Variants in PCDHGB3 observed in about 807,000 individuals in gnomAD.
The protein encoded by PCDHGB3 is protocadherin gamma-B3.
In PCDHGB3, 40 loss-of-function variants were observed where a neutral mutation model predicts 59.2. The observed-to-expected ratio is 0.68, with a 90% CI of 0.52 to 0.88. The LOEUF is 0.88. Among genes scored for constraint, PCDHGB3 ranks in the 40% least tolerant of loss-of-function variants. The pLI is 0.00. For synonymous variants in PCDHGB3, 581 were observed against 503.6 expected (o/e 1.15, Z -2.06); for missense variants, 1,309 against 1,187.9 (o/e 1.10, Z -1.50).
intron 1 of PCDHGB3, chr5:141,475,850 G>C (rs2099376325): frequency 8.6e-6 from 4 of 464,524 alleles, no homozygotes; most frequent in Non-Finnish European, 1.5e-5. Flanking sequence ...AGAGAGCCCG[G>C]CGCTAGCTCA....
rs749499883 is a variant in PCDHGB3 at position 141,486,382 on chromosome 5, C to T, written c.2416-8425C>T. ...TTGCCCTCAAGTCTGCCTTCAGGAA[C>T]CAGTTCTCCCTGGTGACTGCTGGAC... is the stretch of plus-strand genomic sequence containing the variant. On this transcript the variant is annotated intron_variant, in intron 1 of 3. Transcript: ENST00000576222. The surrounding 1 kb of genome is among the most constrained non-coding windows in gnomAD (Gnocchi z 5.0). 25 of 1,613,986 alleles carry T rather than the reference C, an allele frequency of 1.5e-5. No homozygotes were observed. The highest frequency in any genetic ancestry group is 1.9e-5 in the Non-Finnish European group (23 of 1,179,998).
At chr5:141,455,503 T>C (rs1005615473) in intron 1 of PCDHGB3, among the ~76,000 whole-genome samples, 3 of 152,302 alleles carry the variant, frequency 2.0e-5, no homozygotes, top group Middle Eastern at 3.4e-3. Context: ...CTGATTTGCA[T>C]AGGGCTCAGG....
chr5:141,511,462 C>T lies in PCDHGB3; in HGVS notation c.*289C>T, dbSNP rs1385398410. On this transcript the variant is annotated 3_prime_UTR_variant, in exon 4 of 4. Transcript: ENST00000576222. Reference sequence around the variant, plus strand: ...AGACACCAAGAACCATTTGCCACACCCCGTTTAGTTACAGCTGAACTCCTC... The same window carrying T: ...AGACACCAAGAACCATTTGCCACACTCCGTTTAGTTACAGCTGAACTCCTC... 5.4e-6 allele frequency: 3 copies of T among 556,350 alleles called. No individual in the cohort carries two copies. In the South Asian group the frequency reaches 6.3e-5, roughly 12 times the overall value. 34.5% of individuals were successfully genotyped at this position (556,350 alleles called of 1,614,324 possible).
chr5:141,394,397 G>A, intron 1 of PCDHGB3: 1 of 1,614,212 alleles, frequency 6.2e-7, no homozygotes, highest in Non-Finnish European at 8.5e-7. Flanking sequence ...TCCGAGACCT[G>A]CAGCTACTGG....
chr5:141,418,773 A>G, intron 1 of PCDHGB3: 2 of 1,613,904 alleles, frequency 1.2e-6, no homozygotes, highest in Non-Finnish European at 1.7e-6. Flanking sequence ...CTAACTCAGC[A>G]GCCTTTGGAT....
intron 1 of PCDHGB3, chr5:141,421,770 G>A: frequency 6.2e-7 from 1 of 1,613,856 alleles, no homozygotes; most frequent in Non-Finnish European, 8.5e-7. Context: ...ACTTTTCCTT[G>A]CAACTGCGGG....
rs1292783135 is a variant in PCDHGB3 at position 141,374,085 on chromosome 5, T to C, written c.2415+1276T>C. The stretch of plus-strand genomic sequence containing the variant: ...AGAGAAGTTCCTAATAAGCCAGTAA[T>C]GGCGCCTCCGCAGAGGCATCCGCAG... On this transcript the variant is annotated intron_variant, in intron 1 of 3. Coordinates refer to ENST00000576222, the MANE Select transcript of PCDHGB3 (RefSeq NM_018924.5). 12 of 1,528,732 alleles carry C rather than the reference T, an allele frequency of 7.8e-6. No individual in the cohort carries two copies. In the Admixed American group the frequency reaches 2.2e-4, roughly 28 times the overall value. 94.7% of individuals were successfully genotyped at this position (1,528,732 alleles called of 1,614,324 possible).
rs1589320809 is a variant in PCDHGB3, at chr5:141,398,163, G to A, written c.2415+25354G>A. 6 of 1,482,244 alleles carry A rather than the reference G, an allele frequency of 4.0e-6. No homozygotes were observed. The Admixed American group carries it at 1.0e-4, about 26-fold the overall frequency. The allele number at this position is 1,482,244 out of a possible 1,614,324, so 91.8% of individuals were successfully genotyped here. A position where few individuals can be genotyped will look rare whatever the true frequency, so the allele number is the denominator to read the frequency against. Reference sequence around the variant, plus strand: ...GCGCCGGGGAGCTGGGCCGGGCTGAGAGGCTGCCAGTGCTCTTTCTCTTCC... The same window carrying A: ...GCGCCGGGGAGCTGGGCCGGGCTGAAAGGCTGCCAGTGCTCTTTCTCTTCC... On this transcript the variant is annotated intron_variant, in intron 1 of 3. Transcript: ENST00000576222.
chr5:141,475,761 T>C (rs1430719406), intron 1 of PCDHGB3, among the ~76,000 whole-genome samples: 3 of 152,248 alleles, frequency 2.0e-5, no homozygotes, highest in Admixed American at 6.5e-5. Flanking sequence ...GCACCGATAC[T>C]GGCAAGGCGC....
chr5:141,418,345 T>C, intron 1 of PCDHGB3: 1 of 1,614,000 alleles, frequency 6.2e-7, no homozygotes, highest in Non-Finnish European at 8.5e-7. Context: ...ATCCTGATAT[T>C]AGTATGAATT....
rs70988800 is a variant in PCDHGB3 at position 141,379,889 on chromosome 5, C to CTTTTTTTTTT, written c.2415+7101_2415+7110dup. Among the ~76,000 whole-genome samples, 163 of 50,832 alleles carry CTTTTTTTTTT rather than the reference C, an allele frequency of 3.2e-3. 26 individuals carry two copies. The highest frequency in any genetic ancestry group is 6.0e-3 in the African/African-American group (90 of 15,084). The allele number at this position is 50,832 out of a possible 152,430, so 33.3% of individuals were successfully genotyped here. On this transcript the variant is annotated intron_variant, in intron 1 of 3. Transcript: ENST00000576222. ...CTTATTTTATGGTCTGTGAAAGCCTCTTTTTTTTTTTTTTTTTTTTTTTTT... is the reference window on the plus strand; with the variant it reads ...CTTATTTTATGGTCTGTGAAAGCCTCTTTTTTTTTTTTTTTTTTTTTTTTTTTTTTTTTTT...
intron 1 of PCDHGB3, among the ~76,000 whole-genome samples, chr5:141,463,518 G>T (rs537466389): frequency 7.2e-6 from 1 of 139,068 alleles, no homozygotes; most frequent in African/African-American, 2.8e-5. Context: ...GCGTGATCTC[G>T]GCTTACTAGA....
rs777990962 is a variant in PCDHGB3, at chr5:141,431,580, A to T, written c.2415+58771A>T. ...GCTACCGACCCTGACGAAGGAGTCA[A>T]TGCGGAAGTGAGGTATTCCTTCCGG... is the stretch of plus-strand genomic sequence containing the variant. On this transcript the variant is annotated intron_variant, in intron 1 of 3. Coordinates refer to ENST00000576222, the MANE Select transcript of PCDHGB3 (RefSeq NM_018924.5). The surrounding 1 kb of genome is among the most constrained non-coding windows in gnomAD (Gnocchi z 4.8). The T allele has an allele frequency of 6.2e-7, 1 of 1,614,216 alleles. No individual in the cohort carries two copies.
intron 1 of PCDHGB3, among the ~76,000 whole-genome samples, chr5:141,473,422 A>C (rs2154571673): frequency 6.6e-6 from 1 of 152,332 alleles, no homozygotes; most frequent in African/African-American, 2.4e-5. Context: ...TGGGGGAAGC[A>C]GATACTTTGC....
intron 1 of PCDHGB3, chr5:141,405,414 T>C (rs758249146): frequency 1.1e-4 from 169 of 1,562,196 alleles, no homozygotes; most frequent in Non-Finnish European, 1.5e-4. Context: ...TTTCTTTTTT[T>C]GTTTTTTGTT....
chr5:141,393,931 A>G (rs2092877378), intron 1 of PCDHGB3: 6 of 1,614,002 alleles, frequency 3.7e-6, no homozygotes, highest in Middle Eastern at 1.6e-4. Flanking sequence ...AGTGTGCATG[A>G]CCAAGACTCT....
intron 1 of PCDHGB3, chr5:141,478,359 G>A: frequency 6.2e-7 from 1 of 1,613,734 alleles, no homozygotes; most frequent in Non-Finnish European, 8.5e-7. Flanking sequence ...GACGCCGTGC[G>A]GGGAGGCCTG....
intron 1 of PCDHGB3, among the ~76,000 whole-genome samples, chr5:141,482,633 G>T (rs1218163238): frequency 2.0e-5 from 3 of 151,784 alleles, no homozygotes; most frequent in Non-Finnish European, 2.9e-5. Flanking sequence ...AGGAAGAAAT[G>T]ATAGAGGTGG....
Position 141,487,297 on chromosome 5 carries a change from C to T in PCDHGB3, c.2416-7510C>T, listed in dbSNP as rs770262058. ...TTTGCTTTGTCTCCTTTGGCTCATT[C>T]GTGGCACTACTCTCTAAGTGTCTTC... On this transcript the variant is annotated intron_variant, in intron 1 of 3. Coordinates refer to ENST00000576222, the MANE Select transcript of PCDHGB3 (RefSeq NM_018924.5). This position sits in a 1 kb window ranked among gnomAD's most constrained non-coding sequence, Gnocchi z 5.0. The T allele has an allele frequency of 3.2e-5, 52 of 1,613,984 alleles. No homozygotes were observed. The highest frequency in any genetic ancestry group is 4.0e-5 in the African/African-American group (3 of 74,912).
Sources: gnomAD v4.1 joint callset for allele counts (sites outside exome capture counted in the v4.1 genomes callset) on GRCh38, gnomAD v4.1.1 for gene constraint, Gnocchi (gnomAD v3.1) non-coding constraint, MANE v1.5 for transcripts, NCBI Gene and HGNC (gene_info 2026-07-23, HGNC 2026-07-21) for gene names.